MYO5C: variants seen among roughly 807,000 people sequenced by gnomAD.
The protein encoded by MYO5C is unconventional myosin-Vc.
Under a neutral mutation model 235.7 loss-of-function variants are expected in MYO5C, and 194 were observed. The ratio of observed to expected loss-of-function variants is 0.82; its 90% CI spans 0.73 to 0.93. The LOEUF is 0.93. Ranked by LOEUF, MYO5C falls within the 40% of genes least tolerant of loss-of-function variation. The pLI is 0.00. For synonymous variants in MYO5C, 707 were observed against 754.8 expected (o/e 0.94, Z 1.04); for missense variants, 2,038 against 2,127.2 (o/e 0.96, Z 0.82).
chr15:52,269,122 C>G (rs1278695432), intron 8 of MYO5C, among the ~76,000 whole-genome samples: 1 of 152,240 alleles, frequency 6.6e-6, no homozygotes, highest in Non-Finnish European at 1.5e-5. Context: ...CGTTCCACTT[C>G]TGAACCGAAT....
chr15:52,229,846 G>A (rs2141298543), intron 24 of MYO5C, among the ~76,000 whole-genome samples: 1 of 152,298 alleles, frequency 6.6e-6, no homozygotes, highest in Admixed American at 6.5e-5. Context: ...TGGCTTTACA[G>A]TGATCACGCA....
chr15:52,242,985 G>C (rs2036260134), intron 19 of MYO5C: 1 of 152,194 alleles, frequency 6.6e-6, no homozygotes. Flanking sequence ...AATGAGGTTA[G>C]AAAAATAGAT....
rs187474773 is a variant in MYO5C, at chr15:52,251,354, C to T, written c.1662+36G>A. On this transcript the variant is annotated intron_variant, in intron 13 of 40. Transcript: ENST00000261839. ...CTCCTTCTGGAGGCTGTACAGGTTC[C>T]GGGGTTGACAGCATTGATGGAGACC... 125 of 1,558,122 alleles carry T rather than the reference C, an allele frequency of 8.0e-5. No homozygotes were observed. The African/African-American group carries it at 1.5e-3, about 18-fold the overall frequency.
chr15:52,271,347 G>C (rs991749927), intron 7 of MYO5C, among the ~76,000 whole-genome samples: 11 of 151,866 alleles, frequency 7.2e-5, no homozygotes, highest in African/African-American at 2.2e-4. Flanking sequence ...TTCTGCCTCA[G>C]CCTCCCAAGT....
chr15:52,278,973 A>G lies in MYO5C; in HGVS notation c.349T>C (p.Tyr117His). 3.1e-6 allele frequency: 5 copies of G among 1,613,882 alleles called. No individual in the cohort carries two copies. Among genetic ancestry groups the G allele is most frequent in the Non-Finnish European group, 4.2e-6 (5 of 1,179,964 alleles). Residue 117 changes from tyrosine to histidine, a missense_variant, in exon 4 of 41, where the codon TAC (tyrosine) becomes CAC (histidine). Tyr to His is a moderately conservative substitution (Grantham distance 83, BLOSUM62 2). Transcript: ENST00000261839. The part of the protein sequence containing the change: ...AMNPYKQLPI[Y>H]GDAIIHAYSG... The stretch of plus-strand genomic sequence containing the variant: ...TAGGCGTGGATGATGGCATCTCCGT[A>G]TATTGGCAACTGCTTGTAAGGATTC...
At chr15:52,230,006 T>G (rs757212211) in intron 24 of MYO5C, among the ~76,000 whole-genome samples, 19 of 152,162 alleles carry the variant, frequency 1.2e-4, no homozygotes, top group Non-Finnish European at 1.9e-4. Flanking sequence ...TCCTGGCTCC[T>G]TCCTCGTTCC....
intron 2 of MYO5C, among the ~76,000 whole-genome samples, chr15:52,281,583 A>G (rs972945125): frequency 6.6e-6 from 1 of 152,222 alleles, no homozygotes; most frequent in Non-Finnish European, 1.5e-5. Flanking sequence ...TCCTGCCTTC[A>G]AACATGCACA....
rs751303194 is a variant in MYO5C at position 52,246,000 on chromosome 15, G to A, written c.2022C>T (p.Gly674=). 146 of 1,614,068 alleles carry A rather than the reference G, an allele frequency of 9.0e-5. No homozygotes were observed. Among genetic ancestry groups the A allele is most frequent in the Non-Finnish European group, 1.2e-4 (139 of 1,180,034 alleles). ...CACTAATGCGAATCGTTTCTAAAAC[G>A]CCGCAGGCTCGCAGCTGCTGAACAA... The part of the protein sequence containing the change: ...KRIVQQLRAC[G]VLETIRISAQ... The change falls in exon 17 of 41, where the codon GGC becomes GGT. Residue 674 remains glycine (G), a synonymous_variant. Coordinates refer to ENST00000261839, the MANE Select transcript of MYO5C (RefSeq NM_018728.4).
chr15:52,266,595 G>C (rs1317246617), intron 8 of MYO5C, among the ~76,000 whole-genome samples: 1 of 152,088 alleles, frequency 6.6e-6, no homozygotes, highest in African/African-American at 2.4e-5. Context: ...ACAACCACCC[G>C]AAGGAATCCT....
intron 35 of MYO5C, among the ~76,000 whole-genome samples, chr15:52,210,778 T>A (rs193248572): frequency 1.6e-3 from 246 of 152,224 alleles, no homozygotes; most frequent in Middle Eastern, 6.8e-3. Context: ...ACTTATGGAG[T>A]TTCCAGGAAA....
At chr15:52,208,813 TCA>T (rs753829962) in intron 35 of MYO5C, among the ~76,000 whole-genome samples, 170 bp from the exon 36 acceptor site, 6 of 152,236 alleles carry the variant, frequency 3.9e-5, no homozygotes, top group Non-Finnish European at 5.9e-5. Context: ...ATTTAATAGG[TCA>T]CAGTTTGTAA....
In MYO5C at chr15:52,204,870, C is replaced by G. The variant is rs1235654305; in HGVS notation, c.4815G>C (p.Gln1605His). ...KDMCSCRKGM[Q>H]IRCNISYLEE... is the part of the protein sequence containing the mutation. ...CGGAGGTTTCTGGGTTTTACCTGAT[C>G]TGCATCCCTTTTCTGCAGGAGCACA... Residue 1605 changes from glutamine to histidine, a missense_variant, in exon 38 of 41, where the codon CAG becomes CAC. Gln to His is a conservative substitution (Grantham distance 24, BLOSUM62 0). Transcript: ENST00000261839. The G allele has an allele frequency of 1.2e-6, 2 of 1,613,790 alleles. No individual in the cohort carries two copies. Among genetic ancestry groups the G allele is most frequent in the African/African-American group, 2.7e-5 (2 of 74,952 alleles).
At position 52,247,584 on chromosome 15, in the gene MYO5C, G is replaced by T; in HGVS notation, c.1755C>A (p.Leu585=). The T allele has an allele frequency of 6.2e-7, 1 of 1,614,174 alleles. No individual in the cohort carries two copies. Among genetic ancestry groups the T allele is most frequent in the South Asian group, 1.1e-5 (1 of 91,084 alleles). The change falls in exon 15 of 41, where the codon CTC becomes CTA. Residue 585 remains leucine (L), a synonymous_variant. Coordinates refer to ENST00000261839, the MANE Select transcript of MYO5C (RefSeq NM_018728.4). ...VEILRASKFH[L]CANFFQENPT... ...GATTTTCTTGAAAAAAGTTGGCACA[G>T]AGATGAAACTGGAAGGAACAGAGAG... is the stretch of plus-strand genomic sequence containing the variant.
chr15:52,211,341 C>T (rs527897093), intron 35 of MYO5C, among the ~76,000 whole-genome samples: 142 of 152,310 alleles, frequency 9.3e-4, no homozygotes, highest in Admixed American at 2.3e-3. Flanking sequence ...TAAAAATACA[C>T]AATGTGCTTT....
chr15:52,211,339 C>A (rs929387411), intron 35 of MYO5C, among the ~76,000 whole-genome samples: 1 of 152,158 alleles, frequency 6.6e-6, no homozygotes, highest in African/African-American at 2.4e-5. Flanking sequence ...AATAAAAATA[C>A]ACAATGTGCT....
At chr15:52,228,916 T>G (rs2035888893) in intron 25 of MYO5C, among the ~76,000 whole-genome samples, 1 of 152,246 alleles carries the variant, frequency 6.6e-6, no homozygotes, top group Non-Finnish European at 1.5e-5. Flanking sequence ...AAATGTAATT[T>G]CAAAAAAGTT....
intron 1 of MYO5C, among the ~76,000 whole-genome samples, chr15:52,290,651 G>A (rs941539501): frequency 8.1e-5 from 12 of 147,286 alleles, no homozygotes; most frequent in African/African-American, 3.0e-4. Context: ...AAGGTCTCCA[G>A]AGGCATGCCA....
chr15:52,282,871 C>T lies in MYO5C; in HGVS notation c.49G>A (p.Asp17Asn), dbSNP rs374199718. Residue 17 changes from aspartate to asparagine, a missense_variant, in exon 2 of 41, where the codon GAT (aspartate) becomes AAT (asparagine). Coordinates refer to ENST00000261839, the MANE Select transcript of MYO5C (RefSeq NM_018728.4). The stretch of plus-strand genomic sequence containing the variant: ...GCAGACTTCCAAACTTCTTCAGGAT[C>T]GGGAATCCAGACCCTGTTGTACTGA... ...YTQYNRVWIP[D>N]PEEVWKSAEI... 155 of 1,613,356 alleles carry T rather than the reference C, an allele frequency of 9.6e-5. 2 individuals are homozygous for T. Among genetic ancestry groups the T allele is most frequent in the South Asian group, 3.0e-4 (27 of 91,062 alleles).
At chr15:52,209,308 C>G (rs1336050496) in intron 35 of MYO5C, among the ~76,000 whole-genome samples, 1 of 152,174 alleles carries the variant, frequency 6.6e-6, no homozygotes, top group East Asian at 1.9e-4. Context: ...AGAAACACCA[C>G]TGGTTTTAGT....
Sources: allele counts gnomAD v4.1 joint callset (sites outside exome capture counted in the v4.1 genomes callset), GRCh38; gene constraint gnomAD v4.1.1; transcripts MANE v1.5; gene names NCBI Gene and HGNC (gene_info 2026-07-23, HGNC 2026-07-21).